ZFP91: variants seen among roughly 807,000 people sequenced by gnomAD.
The protein encoded by ZFP91 is E3 ubiquitin-protein ligase ZFP91.
ZFP91 carries 7 observed loss-of-function variants against 63.5 expected under a neutral mutation model. That is an observed-to-expected ratio of 0.11 (90% confidence interval 0.06 to 0.21). ZFP91 has a LOEUF of 0.21. Ranked by LOEUF, ZFP91 falls within the 10% of genes least tolerant of loss-of-function variation. The pLI, the probability that ZFP91 is intolerant of heterozygous loss-of-function variation, is 1.00. For synonymous variants in ZFP91, 330 were observed against 272.1 expected (o/e 1.21, Z -2.10); for missense variants, 628 against 736.6 (o/e 0.85, Z 1.71).
In ZFP91 at chr11:58,587,740, T is replaced by C. The variant is rs181564101; in HGVS notation, c.370+2856T>C. ...TTATCCCAGTGTTCATTTTAACTTA[T>C]TTCACTTTCTAACCTCTGACTAGAC... On this transcript the variant is annotated intron_variant, in intron 2 of 10. Coordinates refer to ENST00000316059, the MANE Select transcript of ZFP91 (RefSeq NM_053023.5). 2.3e-4 allele frequency among the ~76,000 whole-genome samples: 35 copies of C among 152,302 alleles called. No homozygotes were observed. In the East Asian group the frequency reaches 5.2e-3, roughly 23 times the overall value.
At chr11:58,610,176 G>A in intron 3 of ZFP91, 122 bp from the exon 4 acceptor site, 7 of 1,407,364 alleles carry the variant, frequency 5.0e-6, no homozygotes, top group South Asian at 1.3e-5. Flanking sequence ...TGAACAGTTT[G>A]CAGATATTCT....
chr11:58,611,341 A>C, intron 5 of ZFP91: 1 of 497,540 alleles, frequency 2.0e-6, no homozygotes, highest in Non-Finnish European at 3.4e-6. Context: ...TTTTTTAACT[A>C]ATTGTCTCGT....
At chr11:58,608,788 A>G (rs1326747729) in intron 2 of ZFP91, among the ~76,000 whole-genome samples, 1 of 152,078 alleles carries the variant, frequency 6.6e-6, no homozygotes, top group Non-Finnish European at 1.5e-5. Context: ...TATTTTTGGT[A>G]GAGACGGGGT....
chr11:58,616,664 A>G (rs2134425876), intron 9 of ZFP91, 52 bp from the exon 10 acceptor site: 2 of 1,508,412 alleles, frequency 1.3e-6, no homozygotes, highest in Non-Finnish European at 1.8e-6. Context: ...TGTAAGGGAA[A>G]ATATTTACAG....
intron 2 of ZFP91, among the ~76,000 whole-genome samples, chr11:58,585,149 A>G (rs1855184153): frequency 6.6e-6 from 1 of 152,182 alleles, no homozygotes; most frequent in Non-Finnish European, 1.5e-5. Flanking sequence ...AAATGAGGTA[A>G]CAGACTGGAA....
intron 2 of ZFP91, among the ~76,000 whole-genome samples, chr11:58,603,479 G>A (rs1265119575): frequency 6.6e-6 from 1 of 152,196 alleles, no homozygotes; most frequent in Admixed American, 6.5e-5. Context: ...GGAAAGATCT[G>A]TGGAGGACTC....
chr11:58,579,334 G>T lies in ZFP91; in HGVS notation c.53G>T (p.Gly18Val), dbSNP rs1016542275. 26 of 1,495,422 alleles carry T rather than the reference G, an allele frequency of 1.7e-5. No homozygotes were observed. The African/African-American group carries it at 3.5e-4, about 20-fold the overall frequency. The allele number at this position is 1,495,422 out of a possible 1,614,324, so 92.6% of individuals were successfully genotyped here. A position where few individuals can be genotyped will look rare whatever the true frequency, so the allele number is the denominator to read the frequency against. The change falls in exon 1 of 11, where the codon GGG becomes GTG. Residue 18 changes from glycine to valine, a missense_variant. Gly to Val is a moderately radical substitution (Grantham distance 109). This residue lies in a region of ZFP91 where 437 missense variants were observed against 380.3 expected (regional missense o/e 1.15). Transcript: ENST00000316059. ...PRPPEQQDQE[G>V]GEAAKAAPEE... ...CCCCCGGAGCAGCAGGACCAGGAAG[G>T]GGGAGAGGCGGCCAAGGCGGCTCCG...
chr11:58,617,173 A>C lies in ZFP91; in HGVS notation c.1203-23A>C. The C allele has an allele frequency of 6.5e-7, 1 of 1,546,164 alleles. No individual in the cohort carries two copies. Among genetic ancestry groups the C allele is most frequent in the African/African-American group, 1.4e-5 (1 of 72,384 alleles). Reference sequence around the variant, plus strand: ...TCTTTATTTCTCTGTTGGATCAGCCATTTCCTTTTCTCCTCTCCTTAGATG... The same window carrying C: ...TCTTTATTTCTCTGTTGGATCAGCCCTTTCCTTTTCTCCTCTCCTTAGATG... On this transcript the variant is annotated intron_variant, in intron 10 of 10. Coordinates refer to ENST00000316059, the MANE Select transcript of ZFP91 (RefSeq NM_053023.5). The surrounding 1 kb of genome is among the most constrained non-coding windows in gnomAD (Gnocchi z 4.2).
At chr11:58,611,114 C>G (rs550921562) in intron 5 of ZFP91, 60 bp downstream of exon 5, 2 of 1,469,356 alleles carry the variant, frequency 1.4e-6, no homozygotes, top group Admixed American at 1.8e-5. Flanking sequence ...AGCACTGTTG[C>G]ATGCTTTTAT....
intron 2 of ZFP91, among the ~76,000 whole-genome samples, chr11:58,592,552 T>G (rs1463164433): frequency 6.6e-6 from 1 of 152,140 alleles, no homozygotes; most frequent in Non-Finnish European, 1.5e-5. Flanking sequence ...CAGAGGACAT[T>G]ATGCTAAGTA....
chr11:58,579,123 G>C lies in ZFP91; in HGVS notation c.-159G>C. 1.9e-6 allele frequency: 1 copy of C among 529,664 alleles called. No homozygotes were observed. The allele number at this position is 529,664 out of a possible 1,614,324, so 32.8% of individuals were successfully genotyped here. The stretch of plus-strand genomic sequence containing the variant: ...CCTTGAGTGGCAGGGGGTGGGGGGG[G>C]CGCCCTCGGAGCCGGGCGGAGGGGA... On this transcript the variant is annotated 5_prime_UTR_variant, in exon 1 of 11. Coordinates refer to ENST00000316059, the MANE Select transcript of ZFP91 (RefSeq NM_053023.5).
intron 2 of ZFP91, among the ~76,000 whole-genome samples, chr11:58,609,081 C>T (rs1460709417): frequency 1.3e-5 from 2 of 151,394 alleles, no homozygotes; most frequent in African/African-American, 4.8e-5. Flanking sequence ...TTCTAATGTA[C>T]TTTTTTTTTA....
chr11:58,579,468 G>T lies in ZFP91; in HGVS notation c.187G>T (p.Ala63Ser). Residue 63 changes from alanine (A) to serine (S), a missense_variant, in exon 1 of 11, where the codon GCC (alanine) becomes TCC (serine). Around this residue, in one of 3 missense-constraint regions of ZFP91, gnomAD observed 437 missense variants for 380.3 expected, o/e 1.15. Transcript: ENST00000316059. Reference sequence around the variant, plus strand: ...GGACCGAGGCCGGGCCGCTGCGGCCGCCGCCGCCGCAGCTGTGTCCCGCCG... The same window carrying T: ...GGACCGAGGCCGGGCCGCTGCGGCCTCCGCCGCCGCAGCTGTGTCCCGCCG... ...GRDRGRAAAA[A>S]AAAAVSRRRK... 1 of 1,453,458 alleles carries T rather than the reference G, an allele frequency of 6.9e-7. No homozygotes were observed. Among genetic ancestry groups the T allele is most frequent in the South Asian group, 1.4e-5 (1 of 73,628 alleles). The allele number at this position is 1,453,458 out of a possible 1,614,324, so 90.0% of individuals were successfully genotyped here.
chr11:58,617,840 G>A lies in ZFP91; in HGVS notation c.*134G>A. The A allele has an allele frequency of 7.9e-6, 10 of 1,266,430 alleles. No homozygotes were observed. Among genetic ancestry groups the A allele is most frequent in the Middle Eastern group, 2.9e-4 (1 of 3,502 alleles). The allele number at this position is 1,266,430 out of a possible 1,614,324, so 78.4% of individuals were successfully genotyped here. The stretch of plus-strand genomic sequence containing the variant: ...CCTGCTCTTTCCATTGTGGATCACA[G>A]CACACACATACATACACCCTCCACC... On this transcript the variant is annotated 3_prime_UTR_variant, in exon 11 of 11. Transcript: ENST00000316059. The surrounding 1 kb of genome is among the most constrained non-coding windows in gnomAD (Gnocchi z 4.2).
Position 58,611,813 on chromosome 11 carries a change from G to A in ZFP91, c.857+75G>A, listed in dbSNP as rs544218488. The A allele has an allele frequency of 1.5e-5, 22 of 1,514,114 alleles. No homozygotes were observed. The South Asian group carries it at 2.8e-4, about 20-fold the overall frequency. 93.8% of individuals were successfully genotyped at this position (1,514,114 alleles called of 1,614,324 possible). A position where few individuals can be genotyped will look rare whatever the true frequency, so the allele number is the denominator to read the frequency against. Reference sequence around the variant, plus strand: ...AGTGGAAAAAAGAGTGGGAGTGTGAGGAAGGATGTTGACGTATACATGCTT... The same window carrying A: ...AGTGGAAAAAAGAGTGGGAGTGTGAAGAAGGATGTTGACGTATACATGCTT... On this transcript the variant is annotated intron_variant, in intron 6 of 10. Coordinates refer to ENST00000316059, the MANE Select transcript of ZFP91 (RefSeq NM_053023.5).
chr11:58,593,680 G>T (rs796951454), intron 2 of ZFP91, among the ~76,000 whole-genome samples: 2 of 152,244 alleles, frequency 1.3e-5, no homozygotes, highest in East Asian at 1.9e-4. Context: ...TTTGTAGCCC[G>T]CCCTGTCCTT....
At chr11:58,609,763 G>A (rs1028146982) in intron 2 of ZFP91, 67 bp from the exon 3 acceptor site, 1 of 1,312,888 alleles carries the variant, frequency 7.6e-7, no homozygotes, top group Non-Finnish European at 1.1e-6. Context: ...TTTACAATTA[G>A]TAGATATACA....
At chr11:58,601,762 G>A (rs1855493904) in intron 2 of ZFP91, among the ~76,000 whole-genome samples, 1 of 151,996 alleles carries the variant, frequency 6.6e-6, no homozygotes, top group Admixed American at 6.6e-5. Flanking sequence ...TTTATTCTTT[G>A]ATCCATTGGT....
intron 2 of ZFP91, among the ~76,000 whole-genome samples, chr11:58,604,527 G>C (rs1446700433): frequency 1.3e-5 from 2 of 152,164 alleles, no homozygotes; most frequent in African/African-American, 4.8e-5. Context: ...TGGTAGAGCA[G>C]CCCTGGTAGA....
Sources: gnomAD v4.1 joint callset for allele counts (sites outside exome capture counted in the v4.1 genomes callset) on GRCh38, gnomAD v4.1.1 for gene constraint, gnomAD v4.1.1 regional missense constraint, Gnocchi (gnomAD v3.1) non-coding constraint, MANE v1.5 for transcripts, NCBI Gene and HGNC (gene_info 2026-07-23, HGNC 2026-07-21) for gene names.